The following TBCD variants were observed in gnomAD, a reference collection of about 807,000 sequenced individuals.
TBCD encodes the protein tubulin-specific chaperone D.
A neutral mutation model predicts 169.3 loss-of-function variants in TBCD; 105 were observed. The ratio of observed to expected loss-of-function variants is 0.62; its 90% CI spans 0.53 to 0.73. The LOEUF (loss-of-function observed/expected upper bound fraction) is 0.73. TBCD is among the 30% of genes least tolerant of loss of function. The pLI is 0.00. For missense variants in TBCD, 1,444 were observed against 1,600.1 expected, an observed-to-expected ratio of 0.90 and a Z score of 1.66; for synonymous variants, 700 against 643.9, an observed-to-expected ratio of 1.09 and a Z score of -1.32.
rs1293929459 is a variant in TBCD, at chr17:82,922,293, G to C, written c.2178+716G>C. On this transcript the variant is annotated intron_variant, in intron 25 of 38. Coordinates refer to ENST00000355528, the MANE Select transcript of TBCD (RefSeq NM_005993.5). This position sits in a 1 kb window ranked among gnomAD's most constrained non-coding sequence, Gnocchi z 4.1. ...GGAGAATTGCTTGAACTTGGGAGGC[G>C]AAGGTTGCAGTGAACCGAGATCACG... Among the ~76,000 whole-genome samples, 1 of 152,038 alleles carries C rather than the reference G, an allele frequency of 6.6e-6. No homozygotes were observed. The highest frequency in any genetic ancestry group is 2.4e-5 in the African/African-American group (1 of 41,380).
At chr17:82,931,461 T>C (rs1356449002) in intron 33 of TBCD, among the ~76,000 whole-genome samples, 1 of 152,230 alleles carries the variant, frequency 6.6e-6, no homozygotes, top group South Asian at 2.1e-4. Flanking sequence ...CATGGTCACT[T>C]GAGGCGCTGG....
chr17:82,873,851 A>C (rs114959201), intron 14 of TBCD, among the ~76,000 whole-genome samples: 1 of 152,112 alleles, frequency 6.6e-6, no homozygotes, highest in East Asian at 1.9e-4. Context: ...GGGGCCACTC[A>C]GTGATCTGTT....
At chr17:82,773,378 C>CA (rs1354996972) in intron 6 of TBCD, among the ~76,000 whole-genome samples, 1 of 152,160 alleles carries the variant, frequency 6.6e-6, no homozygotes, top group Non-Finnish European at 1.5e-5. Context: ...TCCCCTGGAG[C>CA]AGGTGAGGCC....
rs2061418998 is a variant in TBCD at position 82,921,547 on chromosome 17, C to T, written c.2148C>T (p.Leu716=). The change falls in exon 25 of 39, where the codon CTC becomes CTT. Residue 716 remains leucine (L), a synonymous_variant. Coordinates refer to ENST00000355528, the MANE Select transcript of TBCD (RefSeq NM_005993.5). ...LINDTLRHLH[L]ISSHSRQQMK... is the part of the protein sequence containing the mutation. ...ATGACACTTTGAGACATCTCCATCTCATCTCAAGTCACTCCCGCCAGCAGA... is the reference window on the plus strand; with the variant it reads ...ATGACACTTTGAGACATCTCCATCTTATCTCAAGTCACTCCCGCCAGCAGA... 1.2e-6 allele frequency: 2 copies of T among 1,614,032 alleles called. No homozygotes were observed. The highest frequency in any genetic ancestry group is 1.7e-6 in the Non-Finnish European group (2 of 1,179,890).
At chr17:82,803,046 C>G (rs1432443571) in intron 9 of TBCD, among the ~76,000 whole-genome samples, 1 of 152,160 alleles carries the variant, frequency 6.6e-6, no homozygotes, top group Non-Finnish European at 1.5e-5. Context: ...TAACTTTTTT[C>G]CATTTTTATC....
In TBCD at chr17:82,929,195, C is replaced by G; in HGVS notation, c.2776C>G (p.Leu926Val). Residue 926 changes from leucine (L) to valine (V), a missense_variant, in exon 31 of 39, where the codon CTG (leucine) becomes GTG (valine). By Grantham distance (32) the Leu-to-Val change is conservative (BLOSUM62 1). Transcript: ENST00000355528. ...RFRAHAASVF[L>V]TLLHFDSPPI... ...CCGTGCTCACGCCGCCAGCGTGTTC[C>G]TGACGCTCCTGCACTTTGACAGCCC... The G allele has an allele frequency of 6.2e-7, 1 of 1,613,962 alleles. No individual in the cohort carries two copies. The highest frequency in any genetic ancestry group is 8.5e-7 in the Non-Finnish European group (1 of 1,179,888).
At chr17:82,808,369 GC>G (rs1396059885) in intron 11 of TBCD, among the ~76,000 whole-genome samples, 1 of 136,436 alleles carries the variant, frequency 7.3e-6, no homozygotes. Context: ...GCAGGGGCCA[GC>G]AGATGCTGGG....
chr17:82,921,747 C>T (rs1056809299), intron 25 of TBCD, among the ~76,000 whole-genome samples, 170 bp downstream of exon 25: 2 of 152,230 alleles, frequency 1.3e-5, no homozygotes, highest in African/African-American at 4.8e-5. Flanking sequence ...AGCGTCTACA[C>T]GGTTTATAAC....
chr17:82,851,689 G>C (rs4986118), intron 13 of TBCD, among the ~76,000 whole-genome samples: 54,912 of 152,104 alleles, frequency 0.36, 10,174 homozygotes, highest in South Asian at 0.51. Context: ...AGGACACACA[G>C]AGCCAAACGC....
chr17:82,855,503 C>T (rs1388426979), intron 13 of TBCD, among the ~76,000 whole-genome samples: 1 of 151,748 alleles, frequency 6.6e-6, no homozygotes, highest in Non-Finnish European at 1.5e-5. Context: ...CCTGGGCTCA[C>T]GTGATCTACT....
In TBCD at chr17:82,806,239, C is replaced by T. The variant is rs2050953083; in HGVS notation, c.1087+228C>T. ...GCCGTAGAAGCCCTTTTTCCCACCG[C>T]CTCGCCTCCTTCCTGACCTGGGCTG... On this transcript the variant is annotated intron_variant, in intron 10 of 38. Coordinates refer to ENST00000355528, the MANE Select transcript of TBCD (RefSeq NM_005993.5). This position sits in a 1 kb window ranked among gnomAD's most constrained non-coding sequence, Gnocchi z 5.1. Among the ~76,000 whole-genome samples, 1 of 152,122 alleles carries T rather than the reference C, an allele frequency of 6.6e-6. No individual in the cohort carries two copies. The highest frequency in any genetic ancestry group is 1.5e-5 in the Non-Finnish European group (1 of 68,022).
At position 82,929,057 on chromosome 17, in the gene TBCD, C is replaced by T. The variant is rs551837875; in HGVS notation, c.2694-56C>T. 199 of 1,575,136 alleles carry T rather than the reference C, an allele frequency of 1.3e-4. No homozygotes were observed. The African/African-American group carries it at 1.7e-3, about 13-fold the overall frequency. On this transcript the variant is annotated intron_variant, in intron 30 of 38. Coordinates refer to ENST00000355528, the MANE Select transcript of TBCD (RefSeq NM_005993.5). ...CTCGGACCGCCTGTGCTCAGTTTAC[C>T]GCCCGCTCTTAATTTACCGCCCGCC... is the stretch of plus-strand genomic sequence containing the variant.
At chr17:82,921,288 C>A in intron 24 of TBCD, 1 of 563,978 alleles carries the variant, frequency 1.8e-6, no homozygotes, top group Non-Finnish European at 3.2e-6. Flanking sequence ...TGGTATTTCC[C>A]TCAATAAGAG....
intron 15 of TBCD, among the ~76,000 whole-genome samples, chr17:82,885,370 A>T (rs938330339): frequency 6.6e-6 from 1 of 152,044 alleles, no homozygotes; most frequent in African/African-American, 2.4e-5. Context: ...AATGTCTGTC[A>T]TCTTCTATAG....
chr17:82,769,211 A>G (rs2048178943), intron 5 of TBCD, among the ~76,000 whole-genome samples: 1 of 152,208 alleles, frequency 6.6e-6, no homozygotes, highest in African/African-American at 2.4e-5. Flanking sequence ...GCTTTGCCCC[A>G]AGGCCGTTGG....
chr17:82,926,553 A>T, intron 28 of TBCD, 62 bp downstream of exon 28: 3 of 1,416,586 alleles, frequency 2.1e-6, no homozygotes, highest in Non-Finnish European at 3.0e-6. Flanking sequence ...GATGAACGCT[A>T]AGGGGGATGT....
intron 17 of TBCD, among the ~76,000 whole-genome samples, chr17:82,899,727 A>G (rs746469557): frequency 2.6e-5 from 4 of 152,240 alleles, no homozygotes; most frequent in Non-Finnish European, 5.9e-5. Flanking sequence ...GTGGCTGTAT[A>G]ATCTTGTACT....
chr17:82,867,757 C>A (rs1038893886), intron 13 of TBCD, among the ~76,000 whole-genome samples: 4 of 152,206 alleles, frequency 2.6e-5, no homozygotes, highest in Admixed American at 2.0e-4. Context: ...TCCTCACTGA[C>A]TTTTTAGAAG....
intron 13 of TBCD, 28 bp from the exon 14 acceptor site, chr17:82,870,196 C>A: frequency 6.2e-7 from 1 of 1,611,800 alleles, no homozygotes; most frequent in African/African-American, 1.3e-5. Context: ...GTCTGCTCCT[C>A]ACCGTCTTTT....
Sources: allele counts gnomAD v4.1 joint callset (sites outside exome capture counted in the v4.1 genomes callset), GRCh38; gene constraint gnomAD v4.1.1; non-coding constraint Gnocchi (gnomAD v3.1); transcripts MANE v1.5; gene names NCBI Gene and HGNC (gene_info 2026-07-23, HGNC 2026-07-21).